The following MYH10 variants were observed in gnomAD, a reference collection of about 807,000 sequenced individuals.
The protein encoded by MYH10 is myosin-10.
MYH10 carries 55 observed loss-of-function variants against 257.8 expected under a neutral mutation model. The ratio of observed to expected loss-of-function variants is 0.21; its 90% CI spans 0.17 to 0.27. The LOEUF (loss-of-function observed/expected upper bound fraction) is 0.27. Among genes scored for constraint, MYH10 ranks in the 10% least tolerant of loss-of-function variants. The pLI is 1.00. For missense variants in MYH10, 1,631 were observed against 2,500.6 expected (o/e 0.65, Z 7.42); for synonymous variants, 854 against 921.7 (o/e 0.93, Z 1.33).
intron 6 of MYH10, among the ~76,000 whole-genome samples, chr17:8,573,498 G>T (rs1274206216): frequency 6.6e-6 from 1 of 152,156 alleles, no homozygotes; most frequent in Non-Finnish European, 1.5e-5. Flanking sequence ...TGGCTTGAAG[G>T]TATCATTTGT....
intron 18 of MYH10, 42 bp downstream of exon 18, chr17:8,521,050 G>T: frequency 6.2e-7 from 1 of 1,612,670 alleles, no homozygotes; most frequent in Non-Finnish European, 8.5e-7. Flanking sequence ...ATCTGACCTA[G>T]ATCAGTTTTA....
At position 8,628,603 on chromosome 17, in the gene MYH10, T is replaced by C. The variant is rs79932791; in HGVS notation, c.-32+2051A>G. ...CTTACATGACAGGGCTGGACGAGTC[T>C]GCTAATTTATCAAAATCCTGCTCAA... On this transcript the variant is annotated intron_variant, in intron 1 of 42. Transcript: ENST00000360416. 3.5e-3 allele frequency among the ~76,000 whole-genome samples: 526 copies of C among 152,284 alleles called. 24 individuals are homozygous for C. The East Asian group carries it at 0.086, about 25-fold the overall frequency.
intron 3 of MYH10, among the ~76,000 whole-genome samples, chr17:8,597,374 GCTT>G (rs1362527729): frequency 6.6e-6 from 1 of 150,380 alleles, no homozygotes; most frequent in Non-Finnish European, 1.5e-5. Context: ...AATATCATAG[GCTT>G]CTTACTTATT....
In MYH10 at chr17:8,602,466, T is replaced by C. The variant is rs117132212; in HGVS notation, c.502+2360A>G. ...ATTGAAGACCTAGATTGATTGGCAT[T>C]GGTAGCCGGTGTGAGCTTTACCAGC... On this transcript the variant is annotated intron_variant, in intron 3 of 42. Coordinates refer to ENST00000360416, the MANE Select transcript of MYH10 (RefSeq NM_001256012.3). Among the ~76,000 whole-genome samples, 440 of 152,344 alleles carry C rather than the reference T, an allele frequency of 2.9e-3. 17 individuals are homozygous for C. In the East Asian group the frequency reaches 0.056, roughly 19 times the overall value.
At chr17:8,574,052 CAT>C (rs1227143469) in intron 6 of MYH10, among the ~76,000 whole-genome samples, 1 of 152,172 alleles carries the variant, frequency 6.6e-6, no homozygotes, top group African/African-American at 2.4e-5. Flanking sequence ...AAAATGAAAA[CAT>C]ATGTTCTCAC....
intron 4 of MYH10, among the ~76,000 whole-genome samples, chr17:8,588,550 A>G (rs953520803): frequency 3.9e-5 from 6 of 152,238 alleles, no homozygotes; most frequent in Non-Finnish European, 8.8e-5. Flanking sequence ...CTCTAGGTTC[A>G]TAACTACTTC....
At chr17:8,551,408 T>G (rs2082641049) in intron 9 of MYH10, among the ~76,000 whole-genome samples, 1 of 152,212 alleles carries the variant, frequency 6.6e-6, no homozygotes, top group South Asian at 2.1e-4. Context: ...AAACTTTTAC[T>G]GTATATGTGT....
chr17:8,526,063 T>C (rs1398325381), intron 17 of MYH10, among the ~76,000 whole-genome samples: 1 of 152,242 alleles, frequency 6.6e-6, no homozygotes, highest in Non-Finnish European at 1.5e-5. Context: ...AGTGCTGGGA[T>C]TACAGGCGTG....
chr17:8,485,984 TA>T (rs944674510), intron 36 of MYH10, among the ~76,000 whole-genome samples: 2 of 152,216 alleles, frequency 1.3e-5, no homozygotes, highest in African/African-American at 4.8e-5. Context: ...AGTAGAGTGT[TA>T]CTCAGTAATA....
chr17:8,476,211 A>G (rs866539100), intron 42 of MYH10, among the ~76,000 whole-genome samples: 2 of 152,378 alleles, frequency 1.3e-5, no homozygotes, highest in Middle Eastern at 3.4e-3. Context: ...TGGAAATGGT[A>G]AGGAAGACGG....
At chr17:8,484,323 A>G (rs1007685157) in intron 36 of MYH10, 57 bp from the exon 37 acceptor site, 70 of 1,551,958 alleles carry the variant, frequency 4.5e-5, no homozygotes, top group Middle Eastern at 3.5e-4. Context: ...TAGTTAAAAT[A>G]AAATTTTTTT....
At chr17:8,629,753 G>T (rs999394829) in intron 1 of MYH10, among the ~76,000 whole-genome samples, 1 of 151,990 alleles carries the variant, frequency 6.6e-6, no homozygotes, top group African/African-American at 2.4e-5. Flanking sequence ...CCCTCCCCCC[G>T]GCCGTCCTGC....
Position 8,477,095 on chromosome 17 carries a change from G to C in MYH10, c.5707-47C>G, listed in dbSNP as rs1162372890. ...AAAACAAACCAAACTGGTGAATCCA[G>C]TGTCGGCCTCTCTGTACCCCGAGCG... On this transcript the variant is annotated intron_variant, in intron 41 of 42. Coordinates refer to ENST00000360416, the MANE Select transcript of MYH10 (RefSeq NM_001256012.3). This position sits in a 1 kb window ranked among gnomAD's most constrained non-coding sequence, Gnocchi z 4.2. 6.2e-7 allele frequency: 1 copy of C among 1,606,516 alleles called. No individual in the cohort carries two copies.
intron 1 of MYH10, among the ~76,000 whole-genome samples, chr17:8,627,360 T>G (rs566666394): frequency 5.3e-5 from 8 of 152,298 alleles, no homozygotes; most frequent in African/African-American, 1.4e-4. Context: ...ATAGTGAAAT[T>G]CAACTTCTCC....
intron 3 of MYH10, among the ~76,000 whole-genome samples, chr17:8,604,097 C>A (rs1046151624): frequency 6.6e-6 from 1 of 152,060 alleles, no homozygotes; most frequent in Non-Finnish European, 1.5e-5. Context: ...TTTATAAGAA[C>A]CTTATGCTTT....
At chr17:8,533,157 C>T (rs1002967781) in intron 16 of MYH10, among the ~76,000 whole-genome samples, 2 of 152,170 alleles carry the variant, frequency 1.3e-5, no homozygotes, top group Non-Finnish European at 2.9e-5. Context: ...CACTTCCAGG[C>T]TCTTTCACTC....
intron 1 of MYH10, among the ~76,000 whole-genome samples, chr17:8,629,634 A>T (rs553913268): frequency 1.4e-4 from 21 of 152,172 alleles, no homozygotes; most frequent in Admixed American, 7.8e-4. Flanking sequence ...TTCCAGTCCG[A>T]TTTTATGGGA....
At chr17:8,589,438 T>G (rs143897606) in intron 3 of MYH10, among the ~76,000 whole-genome samples, 1 of 152,172 alleles carries the variant, frequency 6.6e-6, no homozygotes, top group Non-Finnish European at 1.5e-5. Context: ...TTTATAAAAA[T>G]GTATTTCCTG....
intron 1 of MYH10, among the ~76,000 whole-genome samples, chr17:8,624,632 C>G (rs144713229): frequency 5.1e-4 from 77 of 152,312 alleles, no homozygotes; most frequent in South Asian, 1.9e-3. Flanking sequence ...ATCTCAACTT[C>G]AACAAAATCC....
Sources: allele counts gnomAD v4.1 joint callset (sites outside exome capture counted in the v4.1 genomes callset), GRCh38; gene constraint gnomAD v4.1.1; non-coding constraint Gnocchi (gnomAD v3.1); transcripts MANE v1.5; gene names NCBI Gene and HGNC (gene_info 2026-07-23, HGNC 2026-07-21).